The following PUM3 variants were observed in gnomAD, a reference collection of about 807,000 sequenced individuals.
The protein encoded by PUM3 is pumilio RNA binding family member 3.
PUM3 carries 91 observed loss-of-function variants against 84.0 expected under a neutral mutation model. The ratio of observed to expected loss-of-function variants is 1.08; its 90% CI spans 0.91 to 1.29. PUM3 has a LOEUF of 1.29. PUM3 is among the 50% of genes most tolerant of loss of function. The probability of loss-of-function intolerance (pLI) is 0.00; values close to 1 mark genes in which losing one functional copy is unlikely to be tolerated. For synonymous variants in PUM3, 321 were observed against 266.7 expected, an observed-to-expected ratio of 1.20 and a Z score of -1.98; for missense variants, 1,067 against 767.5, an observed-to-expected ratio of 1.39 and a Z score of -4.61.
At chr9:2,811,978 C>G (rs921599401) in intron 14 of PUM3, among the ~76,000 whole-genome samples, 8 of 152,090 alleles carry the variant, frequency 5.3e-5, no homozygotes, top group Non-Finnish European at 8.8e-5. Context: ...AAAATAAAAG[C>G]CAAACCACGC....
rs1821216329 is a variant in PUM3, at chr9:2,804,285, C to CGG, written c.*45_*46insCC. On this transcript the variant is annotated 3_prime_UTR_variant, in exon 18 of 18. Coordinates refer to ENST00000397885, the MANE Select transcript of PUM3 (RefSeq NM_014878.5). ...TTCTTTTCTGCATTGGGAAACAGAACAGAGAACAGAAAAAATCATTCCATC... is the reference window on the plus strand; with the variant it reads ...TTCTTTTCTGCATTGGGAAACAGAACGGAGAGAACAGAAAAAATCATTCCATC... 6.3e-7 allele frequency: 1 copy of CGG among 1,593,778 alleles called. No individual in the cohort carries two copies.
intron 17 of PUM3, 97 bp from the exon 18 acceptor site, chr9:2,804,560 C>T (rs1032332437): frequency 8.7e-7 from 1 of 1,151,114 alleles, no homozygotes; most frequent in East Asian, 2.5e-5. Context: ...AACTGTGACA[C>T]AAGCCTTGTA....
chr9:2,821,401 G>T (rs1259104350), intron 12 of PUM3, among the ~76,000 whole-genome samples: 1 of 126,302 alleles, frequency 7.9e-6, no homozygotes, highest in Admixed American at 9.6e-5. Context: ...CCCAGATCGC[G>T]CCACGGCACT....
rs757153530 is a variant in PUM3 at position 2,837,319 on chromosome 9, TTTCTCAAAG to T, written c.156_164del (p.Asn52_Glu54del). The T allele has an allele frequency of 1.2e-6, 2 of 1,614,134 alleles. No homozygotes were observed. Among genetic ancestry groups the T allele is most frequent in the South Asian group, 2.2e-5 (2 of 91,086 alleles). ...CCTTTTTCCCAAGTTTTGTGATACT[TTTCTCAAAG>T]TTCCTAGATGTGACTTTAGGTCCAC... On this transcript the variant is annotated inframe_deletion, in exon 3 of 18. Transcript: ENST00000397885.
At chr9:2,830,848 C>G in intron 7 of PUM3, 114 bp downstream of exon 7, 1 of 637,022 alleles carries the variant, frequency 1.6e-6, no homozygotes. Context: ...CTGCTGAGAG[C>G]CATTACTATT....
intron 12 of PUM3, among the ~76,000 whole-genome samples, chr9:2,821,130 T>C (rs1159652120): frequency 1.3e-5 from 2 of 152,102 alleles, no homozygotes; most frequent in East Asian, 1.9e-4. Flanking sequence ...GGTCTTACTA[T>C]ACAAAGACCA....
rs1434667166 is a variant in PUM3, at chr9:2,829,635, G to GA, written c.852+138dup. 10 of 691,642 alleles carry GA rather than the reference G, an allele frequency of 1.4e-5. No homozygotes were observed. The African/African-American group carries it at 1.6e-4, about 11-fold the overall frequency. 42.8% of individuals were successfully genotyped at this position (691,642 alleles called of 1,614,324 possible). On this transcript the variant is annotated intron_variant, in intron 8 of 17. Coordinates refer to ENST00000397885, the MANE Select transcript of PUM3 (RefSeq NM_014878.5). The stretch of plus-strand genomic sequence containing the variant: ...ACCAGAAACAAAATAAAGCATGAGG[G>GA]AAAATCAAGGGCATAAGATGGTCTC...
Position 2,810,432 on chromosome 9 carries a change from C to G in PUM3, c.1636-1G>C. On this transcript the variant is annotated splice_acceptor_variant, in intron 15 of 17. Coordinates refer to ENST00000397885, the MANE Select transcript of PUM3 (RefSeq NM_014878.5). LOFTEE classifies it high-confidence loss of function. ...CTGCAGGATGTTCTGCAATGTGAAG[C>G]TATGAAGGGTCAAGAACAGTTAATT... is the stretch of plus-strand genomic sequence containing the variant. The G allele has an allele frequency of 6.3e-7, 1 of 1,599,070 alleles. No individual in the cohort carries two copies. The highest frequency in any genetic ancestry group is 8.5e-7 in the Non-Finnish European group (1 of 1,171,172).
chr9:2,842,834 C>G (rs1816300752), intron 1 of PUM3, among the ~76,000 whole-genome samples: 2 of 152,096 alleles, frequency 1.3e-5, no homozygotes. Flanking sequence ...TTGTTGTTTG[C>G]CCCACAAACA....
intron 17 of PUM3, among the ~76,000 whole-genome samples, chr9:2,805,637 T>G (rs1472357749): frequency 6.6e-6 from 1 of 152,234 alleles, no homozygotes; most frequent in African/African-American, 2.4e-5. Context: ...TAGGTGTTTT[T>G]ATTTCATACA....
At chr9:2,824,375 C>T (rs959239184) in intron 11 of PUM3, among the ~76,000 whole-genome samples, 1 of 152,168 alleles carries the variant, frequency 6.6e-6, no homozygotes, top group African/African-American at 2.4e-5. Context: ...TTTGTTATCT[C>T]TTCCCATTTT....
chr9:2,842,207 C>G (rs1252967096), intron 1 of PUM3, among the ~76,000 whole-genome samples: 2 of 152,066 alleles, frequency 1.3e-5, no homozygotes, highest in African/African-American at 2.4e-5. Flanking sequence ...GGAATTCGCC[C>G]CCCTTTTTCC....
intron 1 of PUM3, among the ~76,000 whole-genome samples, chr9:2,839,183 G>A (rs557939085): frequency 1.6e-4 from 25 of 152,240 alleles, no homozygotes; most frequent in African/African-American, 5.8e-4. Context: ...ATGGTGCACA[G>A]GATAAACAAG....
At position 2,820,065 on chromosome 9, in the gene PUM3, A is replaced by T; in HGVS notation, c.1222T>A (p.Phe408Ile). The change falls in exon 13 of 18, where the codon TTT becomes ATT. Residue 408 changes from phenylalanine (F) to isoleucine (I), a missense_variant. Phe to Ile is a conservative substitution (Grantham distance 21). Coordinates refer to ENST00000397885, the MANE Select transcript of PUM3 (RefSeq NM_014878.5). ...AGCTTAGTATCATCAATACAATCAA[A>T]TGCCGCCAGTAAAACCAAATGGGAG... ...QYSHLVLLAA[F>I]DCIDDTKLVK... is the part of the protein sequence containing the mutation. 3.7e-6 allele frequency: 6 copies of T among 1,612,938 alleles called. No homozygotes were observed. The highest frequency in any genetic ancestry group is 5.1e-6 in the Non-Finnish European group (6 of 1,179,094).
intron 13 of PUM3, among the ~76,000 whole-genome samples, chr9:2,815,285 A>G (rs1821448416): frequency 6.6e-6 from 1 of 152,168 alleles, no homozygotes; most frequent in African/African-American, 2.4e-5. Flanking sequence ...ATCCTTCCCC[A>G]GCTCACCCTC....
intron 16 of PUM3, among the ~76,000 whole-genome samples, chr9:2,810,104 T>TG (rs1222182572): frequency 0.013 from 88 of 6,714 alleles, no homozygotes; most frequent in Non-Finnish European, 0.016. Flanking sequence ...GAGGGGGCGG[T>TG]GGGGGGGGCT....
chr9:2,828,510 C>A (rs1161997681), intron 9 of PUM3, 165 bp downstream of exon 9: 2 of 565,608 alleles, frequency 3.5e-6, no homozygotes, highest in Non-Finnish European at 6.2e-6. Flanking sequence ...AAAGAAATCT[C>A]CTTTTGCACC....
intron 1 of PUM3, among the ~76,000 whole-genome samples, chr9:2,842,930 A>G (rs958495554): frequency 6.6e-6 from 1 of 152,124 alleles, no homozygotes; most frequent in Non-Finnish European, 1.5e-5. Flanking sequence ...AAGAAATCTG[A>G]GTTACCCTTG....
At chr9:2,828,563 T>C (rs773457579) in intron 9 of PUM3, 112 bp downstream of exon 9, 4 of 661,124 alleles carry the variant, frequency 6.1e-6, no homozygotes, top group Non-Finnish European at 1.1e-5. Context: ...TTATTTAGAA[T>C]AGATTAATAC....
Sources: gnomAD v4.1 joint callset for allele counts (sites outside exome capture counted in the v4.1 genomes callset) on GRCh38, gnomAD v4.1.1 for gene constraint, MANE v1.5 for transcripts, NCBI Gene and HGNC (gene_info 2026-07-23, HGNC 2026-07-21) for gene names.